DDX27: variants seen among roughly 807,000 people sequenced by gnomAD.
The protein encoded by DDX27 is probable ATP-dependent RNA helicase DDX27.
Under a neutral mutation model 99.3 loss-of-function variants are expected in DDX27, and 42 were observed. The observed-to-expected ratio is 0.42, with a 90% CI of 0.33 to 0.55. The LOEUF is 0.55. Ranked by LOEUF, DDX27 falls within the 20% of genes least tolerant of loss-of-function variation. The pLI, the probability that DDX27 is intolerant of heterozygous loss-of-function variation, is 0.07. For synonymous variants in DDX27, 329 were observed against 353.8 expected, an observed-to-expected ratio of 0.93 and a Z score of 0.79; for missense variants, 798 against 976.8, an observed-to-expected ratio of 0.82 and a Z score of 2.44.
intron 11 of DDX27, 64 bp from the exon 12 acceptor site, chr20:49,234,871 G>C: frequency 6.6e-7 from 1 of 1,522,110 alleles, no homozygotes; most frequent in Admixed American, 2.0e-5. Context: ...TGTGGATGAG[G>C]AGGGGGTACA....
At chr20:49,224,721 G>A (rs1979814777) in intron 4 of DDX27, 1 of 581,970 alleles carries the variant, frequency 1.7e-6, no homozygotes, top group Admixed American at 3.0e-5. Context: ...TGTAGTGGTC[G>A]AGAGCCTGGT....
chr20:49,223,255 AT>A lies in DDX27; in HGVS notation c.301-6del. On this transcript the variant is annotated splice_polypyrimidine_tract_variant and intron_variant, in intron 3 of 20. Transcript: ENST00000618172. ...GAAGTTTCTCATCACCCTCACTTTA[AT>A]TTTTTTCCCAGGATAAAGAAGCCAA... is the stretch of plus-strand genomic sequence containing the variant. The A allele has an allele frequency of 6.9e-6, 11 of 1,601,024 alleles. No homozygotes were observed. Among genetic ancestry groups the A allele is most frequent in the Non-Finnish European group, 9.3e-6 (11 of 1,176,594 alleles).
chr20:49,239,472 C>T, intron 16 of DDX27, 134 bp downstream of exon 16: 1 of 664,900 alleles, frequency 1.5e-6, no homozygotes, highest in Non-Finnish European at 2.5e-6. Context: ...TCGTGGAAGA[C>T]AATGTTTCCA....
intron 18 of DDX27, 41 bp downstream of exon 18, chr20:49,242,247 TC>T: frequency 6.2e-7 from 1 of 1,608,830 alleles, no homozygotes; most frequent in Non-Finnish European, 8.5e-7. Flanking sequence ...TACAAGGTTT[TC>T]CCTGAAACCT....
chr20:49,241,703 A>G (rs979073603), intron 16 of DDX27, 190 bp from the exon 17 acceptor site: 4 of 639,162 alleles, frequency 6.3e-6, no homozygotes, highest in African/African-American at 5.5e-5. Context: ...TCCTGACCTC[A>G]GGTGATCCAC....
chr20:49,233,260 C>T (rs374268279), intron 9 of DDX27, 46 bp from the exon 10 acceptor site: 104 of 1,484,766 alleles, frequency 7.0e-5, no homozygotes, highest in East Asian at 6.4e-4. Flanking sequence ...TCACTGTGAC[C>T]GAAGAGCACT....
Position 49,233,565 on chromosome 20 carries a change from C to T in DDX27, c.1132-3C>T, listed in dbSNP as rs746653390. The T allele has an allele frequency of 6.2e-7, 1 of 1,610,556 alleles. No individual in the cohort carries two copies. Among genetic ancestry groups the T allele is most frequent in the African/African-American group, 1.3e-5 (1 of 75,018 alleles). The stretch of plus-strand genomic sequence containing the variant: ...TGAGGAAACCTGGCTTTGTGCTTGG[C>T]AGGTGAAAGATCTGGCTTCTGTCTC... On this transcript the variant is annotated splice_polypyrimidine_tract_variant and splice_region_variant and intron_variant, in intron 10 of 20. Transcript: ENST00000618172.
At position 49,224,035 on chromosome 20, in the gene DDX27, C is replaced by T. The variant is rs149948157; in HGVS notation, c.466+602C>T. ...CTGGGCCTACAGGTGCATGCCCCTG[C>T]GCCTGGCTAATTTTTTTTTTTTGTA... is the stretch of plus-strand genomic sequence containing the variant. On this transcript the variant is annotated intron_variant, in intron 4 of 20. Coordinates refer to ENST00000618172, the MANE Select transcript of DDX27 (RefSeq NM_017895.8). Among the ~76,000 whole-genome samples the T allele has an allele frequency of 3.1e-3, 474 of 152,060 alleles. 3 individuals carry two copies. The highest frequency in any genetic ancestry group is 0.011 in the African/African-American group (438 of 41,484).
chr20:49,221,001 G>A (rs1032164164), intron 1 of DDX27, among the ~76,000 whole-genome samples: 2 of 152,038 alleles, frequency 1.3e-5, no homozygotes, highest in African/African-American at 4.8e-5. Context: ...TTGCTCGGTC[G>A]CCCAGGGTGG....
intron 7 of DDX27, among the ~76,000 whole-genome samples, chr20:49,227,266 A>G (rs1279646002): frequency 1.3e-5 from 2 of 152,244 alleles, no homozygotes; most frequent in Admixed American, 6.5e-5. Context: ...TCCTTCATCA[A>G]TGGTGACATC....
Position 49,222,989 on chromosome 20 carries a change from G to A in DDX27, c.273G>A (p.Glu91=), listed in dbSNP as rs768510220. 5 of 1,613,078 alleles carry A rather than the reference G, an allele frequency of 3.1e-6. No individual in the cohort carries two copies. Among genetic ancestry groups the A allele is most frequent in the South Asian group, 1.1e-5 (1 of 90,852 alleles). The change falls in exon 3 of 21, where the codon GAG becomes GAA. Residue 91 remains glutamate, a synonymous_variant. Coordinates refer to ENST00000618172, the MANE Select transcript of DDX27 (RefSeq NM_017895.8). The part of the protein sequence containing the change: ...RAATTLDEKI[E]KVRKKRKTED... ...CCACTACATTAGATGAGAAGATTGA[G>A]AAAGTTCGAAAGAAAAGGAAAACAG...
intron 17 of DDX27, 38 bp downstream of exon 17, chr20:49,242,025 T>C: frequency 6.2e-7 from 1 of 1,613,770 alleles, no homozygotes; most frequent in Non-Finnish European, 8.5e-7. Context: ...GCCCACTCGG[T>C]GGGGTGGGTC....
intron 4 of DDX27, 98 bp downstream of exon 4, chr20:49,223,531 T>C: frequency 1.7e-6 from 2 of 1,185,486 alleles, no homozygotes; most frequent in Non-Finnish European, 2.4e-6. Flanking sequence ...GCACAGTTTA[T>C]CTTTAAGCTG....
Position 49,219,457 on chromosome 20 carries a change from G to C in DDX27, c.9G>C (p.Ala3=). ...GTGGCTTCTGCGACAACATGCTTGC[G>C]GACCTCGGCTTAATCGGAACCATAG... ML[A]DLGLIGTIGE... is the part of the protein sequence containing the mutation. Residue 3 remains alanine, a synonymous_variant, in exon 1 of 21, where the codon GCG becomes GCC. Coordinates refer to ENST00000618172, the MANE Select transcript of DDX27 (RefSeq NM_017895.8). 6.2e-7 allele frequency: 1 copy of C among 1,614,082 alleles called. No homozygotes were observed. The highest frequency in any genetic ancestry group is 8.5e-7 in the Non-Finnish European group (1 of 1,179,994).
intron 8 of DDX27, among the ~76,000 whole-genome samples, chr20:49,229,908 A>G (rs1371669943): frequency 6.6e-6 from 1 of 152,164 alleles, no homozygotes; most frequent in Non-Finnish European, 1.5e-5. Context: ...GGCCTCCCAA[A>G]GTGCTGGGAT....
rs933470916 is a variant in DDX27, at chr20:49,240,015, A to C, written c.1897+677A>C. ...TTACCTGAGATATCTAGCTAGGCAAATTCACAGAGACAGAAATAGATTATA... is the reference window on the plus strand; with the variant it reads ...TTACCTGAGATATCTAGCTAGGCAACTTCACAGAGACAGAAATAGATTATA... On this transcript the variant is annotated intron_variant, in intron 16 of 20. Coordinates refer to ENST00000618172, the MANE Select transcript of DDX27 (RefSeq NM_017895.8). 7.9e-5 allele frequency among the ~76,000 whole-genome samples: 12 copies of C among 152,196 alleles called. 1 individual carries two copies. The highest frequency in any genetic ancestry group is 2.9e-4 in the African/African-American group (12 of 41,450).
Position 49,221,455 on chromosome 20 carries a change from C to T in DDX27, c.97C>T (p.Pro33Ser), listed in dbSNP as rs1170282958. The change falls in exon 2 of 21, where the codon CCC (proline) becomes TCC (serine). Residue 33 changes from proline to serine, a missense_variant. Around this residue, in one of 2 missense-constraint regions of DDX27, gnomAD observed 245 missense variants for 248.8 expected, o/e 0.98. Coordinates refer to ENST00000618172, the MANE Select transcript of DDX27 (RefSeq NM_017895.8). ...CTCTGTCTCTTACTCTTCCCAGGGG[C>T]CCATTGTGCTGGGCAGACGACAAAA... is the stretch of plus-strand genomic sequence containing the variant. ...SDSGDEEEEG[P>S]IVLGRRQKAL... 1.2e-6 allele frequency: 2 copies of T among 1,613,204 alleles called. No individual in the cohort carries two copies. The highest frequency in any genetic ancestry group is 2.2e-5 in the East Asian group (1 of 44,858).
At chr20:49,223,100 A>G in intron 3 of DDX27, 84 bp downstream of exon 3, 1 of 1,458,498 alleles carries the variant, frequency 6.9e-7, no homozygotes, top group South Asian at 1.2e-5. Context: ...GGAAGCCCTT[A>G]TAGAGCGGGG....
chr20:49,227,079 G>A (rs1979924645), intron 7 of DDX27, among the ~76,000 whole-genome samples: 1 of 148,686 alleles, frequency 6.7e-6, no homozygotes, highest in South Asian at 2.1e-4. Flanking sequence ...AGCCGGGATG[G>A]TCTTGATCTC....
Sources: allele counts gnomAD v4.1 joint callset (sites outside exome capture counted in the v4.1 genomes callset), GRCh38; gene constraint gnomAD v4.1.1; regional missense constraint gnomAD v4.1.1; transcripts MANE v1.5; gene names NCBI Gene and HGNC (gene_info 2026-07-23, HGNC 2026-07-21).